Variants in GNAL observed in about 807,000 individuals in gnomAD.
The protein encoded by GNAL is G protein subunit alpha L, also known as guanine nucleotide-binding protein G(olf) subunit alpha.
GNAL carries 18 observed loss-of-function variants against 55.1 expected under a neutral mutation model. The observed-to-expected ratio is 0.33, with a 90% CI of 0.23 to 0.48. The LOEUF (loss-of-function observed/expected upper bound fraction) is 0.48, where lower values mean the gene tolerates loss of function less well. GNAL is among the 20% of genes least tolerant of loss of function. GNAL has a pLI of 0.99. For synonymous variants in GNAL, 253 were observed against 237.0 expected (o/e 1.07, Z -0.62); for missense variants, 412 against 614.1 (o/e 0.67, Z 3.48).
intron 1 of GNAL, among the ~76,000 whole-genome samples, chr18:11,722,862 T>C (rs866250530): frequency 2.0e-5 from 3 of 152,066 alleles, no homozygotes; most frequent in African/African-American, 7.2e-5. Flanking sequence ...AAATACAAAA[T>C]TAGCTGGGCG....
At chr18:11,814,459 C>T (rs1407824281) in intron 4 of GNAL, among the ~76,000 whole-genome samples, 3 of 152,004 alleles carry the variant, frequency 2.0e-5, no homozygotes, top group African/African-American at 7.2e-5. Context: ...ACCTGGGAGA[C>T]AGATGTTGCA....
Position 11,752,739 on chromosome 18 carries a change from C to T in GNAL, c.377-114C>T, listed in dbSNP as rs558922873. 29 of 1,151,586 alleles carry T rather than the reference C, an allele frequency of 2.5e-5. 1 individual carries two copies. The South Asian group carries it at 3.9e-4, about 15-fold the overall frequency. The allele number at this position is 1,151,586 out of a possible 1,614,324, so 71.3% of individuals were successfully genotyped here. On this transcript the variant is annotated intron_variant, in intron 1 of 11. Coordinates refer to ENST00000334049, the MANE Select transcript of GNAL (RefSeq NM_182978.4). The surrounding 1 kb of genome is among the most constrained non-coding windows in gnomAD (Gnocchi z 4.5). The stretch of plus-strand genomic sequence containing the variant: ...GGGCGAGCTCCTCCAGCCAGGAACC[C>T]GCGTGTAGGAAATCCCCGTGCTGGG...
At chr18:11,803,919 G>A (rs1247532283) in intron 4 of GNAL, among the ~76,000 whole-genome samples, 1 of 151,242 alleles carries the variant, frequency 6.6e-6, no homozygotes, top group South Asian at 2.1e-4. Context: ...CAGTTTGGAT[G>A]GAACACGGAG....
chr18:11,724,058 T>G (rs2032157163), intron 1 of GNAL, among the ~76,000 whole-genome samples: 1 of 152,206 alleles, frequency 6.6e-6, no homozygotes, highest in Non-Finnish European at 1.5e-5. Context: ...CTTAGTGGCT[T>G]GAAACAGCAA....
At chr18:11,842,768 T>G (rs2035647551) in intron 5 of GNAL, among the ~76,000 whole-genome samples, 2 of 152,192 alleles carry the variant, frequency 1.3e-5, no homozygotes, top group Non-Finnish European at 2.9e-5. Context: ...CACCTCCTGC[T>G]GTGTGGCCTG....
At position 11,689,782 on chromosome 18, in the gene GNAL, G is replaced by GACA; in HGVS notation, c.220_221insCAA (p.Glu73_Lys74insThr). Reference sequence around the variant, plus strand: ...GGCCCAAAGCAGACAAGCCGAAGGAGAAGCGGCAGCGCACCGAGCAGCTGA... The same window carrying GACA: ...GGCCCAAAGCAGACAAGCCGAAGGAGACAAAGCGGCAGCGCACCGAGCAGCTGA... On this transcript the variant is annotated inframe_insertion, in exon 1 of 12. Transcript: ENST00000334049. The GACA allele has an allele frequency of 1.6e-5, 25 of 1,530,866 alleles. No individual in the cohort carries two copies. Among genetic ancestry groups the GACA allele is most frequent in the Non-Finnish European group, 2.2e-5 (25 of 1,142,140 alleles). The allele number at this position is 1,530,866 out of a possible 1,614,324, so 94.8% of individuals were successfully genotyped here. A position where few individuals can be genotyped will look rare whatever the true frequency, so the allele number is the denominator to read the frequency against.
In GNAL at chr18:11,881,172, G is replaced by GGACTGCCT. The variant is rs2036682151; in HGVS notation, c.*45_*52dup. On this transcript the variant is annotated 3_prime_UTR_variant, in exon 12 of 12. Coordinates refer to ENST00000334049, the MANE Select transcript of GNAL (RefSeq NM_182978.4). This position sits in a 1 kb window ranked among gnomAD's most constrained non-coding sequence, Gnocchi z 4.8. ...CCACCCTGCGACGGAGCGGCGCCCC[G>GGACTGCCT]GACTGCCTGACTGCCAGCCCCATGC... The GGACTGCCT allele has an allele frequency of 6.4e-7, 1 of 1,564,290 alleles. No individual in the cohort carries two copies.
rs1176860433 is a variant in GNAL, at chr18:11,751,185, G to A, written c.377-1668G>A. 6.6e-6 allele frequency among the ~76,000 whole-genome samples: 1 copy of A among 152,104 alleles called. No individual in the cohort carries two copies. Among genetic ancestry groups the A allele is most frequent in the African/African-American group, 2.4e-5 (1 of 41,414 alleles). Reference sequence around the variant, plus strand: ...GGAACAGTGATTTCTCCACGCCCACGGCTGGTGTCCACGACTTCGGCCCGG... The same window carrying A: ...GGAACAGTGATTTCTCCACGCCCACAGCTGGTGTCCACGACTTCGGCCCGG... On this transcript the variant is annotated intron_variant, in intron 1 of 11. Transcript: ENST00000334049. This position sits in a 1 kb window ranked among gnomAD's most constrained non-coding sequence, Gnocchi z 4.5.
At chr18:11,822,323 A>G (rs1433013563) in intron 4 of GNAL, among the ~76,000 whole-genome samples, 2 of 152,154 alleles carry the variant, frequency 1.3e-5, no homozygotes, top group Admixed American at 1.3e-4. Flanking sequence ...CAAACAAATT[A>G]GCTGGATATT....
chr18:11,730,518 C>T (rs1024006193), intron 1 of GNAL, among the ~76,000 whole-genome samples: 7 of 151,454 alleles, frequency 4.6e-5, no homozygotes, highest in Non-Finnish European at 1.0e-4. Flanking sequence ...AATCCCAGCA[C>T]TTTGGGAGGC....
chr18:11,791,538 C>A (rs546105230), intron 4 of GNAL, among the ~76,000 whole-genome samples: 1 of 152,228 alleles, frequency 6.6e-6, no homozygotes, highest in South Asian at 2.1e-4. Context: ...ATTTTAAAAG[C>A]TTTTAAAGTG....
chr18:11,794,638 G>C (rs2034327459), intron 4 of GNAL, among the ~76,000 whole-genome samples: 1 of 151,852 alleles, frequency 6.6e-6, no homozygotes. Flanking sequence ...TGATGAAAAT[G>C]CCTTTCAACT....
chr18:11,730,160 CTTTT>C (rs1240028582), intron 1 of GNAL, among the ~76,000 whole-genome samples: 2 of 138,782 alleles, frequency 1.4e-5, no homozygotes, highest in Non-Finnish European at 1.6e-5. Flanking sequence ...CAGCCTCCCA[CTTTT>C]TTTTTTTTTT....
At chr18:11,822,199 G>T (rs891153174) in intron 4 of GNAL, among the ~76,000 whole-genome samples, 1 of 152,214 alleles carries the variant, frequency 6.6e-6, no homozygotes, top group Non-Finnish European at 1.5e-5. Flanking sequence ...GGCGGGGCGT[G>T]GTGGGCGCGC....
At chr18:11,771,744 G>A (rs975366161) in intron 4 of GNAL, among the ~76,000 whole-genome samples, 5 of 146,462 alleles carry the variant, frequency 3.4e-5, no homozygotes, top group Non-Finnish European at 6.1e-5. Context: ...AGATGGAGTC[G>A]CACTCTGTCA....
chr18:11,777,772 C>T (rs1212001535), intron 4 of GNAL, among the ~76,000 whole-genome samples: 1 of 152,122 alleles, frequency 6.6e-6, no homozygotes, highest in Non-Finnish European at 1.5e-5. Context: ...CAGACCCTCG[C>T]CTAGCACTCG....
chr18:11,731,094 G>A (rs765498190), intron 1 of GNAL, among the ~76,000 whole-genome samples: 1 of 152,162 alleles, frequency 6.6e-6, no homozygotes, highest in Non-Finnish European at 1.5e-5. Context: ...AAAAAGAATG[G>A]GGTATGAGGT....
Position 11,752,825 on chromosome 18 carries a change from T to A in GNAL, c.377-28T>A, listed in dbSNP as rs559852099. 1 of 1,523,258 alleles carries A rather than the reference T, an allele frequency of 6.6e-7. No individual in the cohort carries two copies. The highest frequency in any genetic ancestry group is 1.7e-5 in the Admixed American group (1 of 59,924). The allele number at this position is 1,523,258 out of a possible 1,614,324, so 94.4% of individuals were successfully genotyped here. A position where few individuals can be genotyped will look rare whatever the true frequency, so the allele number is the denominator to read the frequency against. On this transcript the variant is annotated intron_variant, in intron 1 of 11. Transcript: ENST00000334049. The surrounding 1 kb of genome is among the most constrained non-coding windows in gnomAD (Gnocchi z 4.5). ...GATGGCAGCGATATCCGGACACAGA[T>A]CACAGCGTTCTTTCTGTTTGTTTGC...
At chr18:11,820,377 G>A (rs2035061441) in intron 4 of GNAL, among the ~76,000 whole-genome samples, 1 of 152,130 alleles carries the variant, frequency 6.6e-6, no homozygotes, top group Non-Finnish European at 1.5e-5. Context: ...TTCACTGGCT[G>A]GCTAAATATT....
Sources: gnomAD v4.1 joint callset for allele counts (sites outside exome capture counted in the v4.1 genomes callset) on GRCh38, gnomAD v4.1.1 for gene constraint, Gnocchi (gnomAD v3.1) non-coding constraint, MANE v1.5 for transcripts, NCBI Gene and HGNC (gene_info 2026-07-23, HGNC 2026-07-21) for gene names.